Variants in CAMK1D observed in about 807,000 individuals in gnomAD.
The protein encoded by CAMK1D is calcium/calmodulin-dependent protein kinase type 1D.
In CAMK1D, 9 loss-of-function variants were observed where a neutral mutation model predicts 47.7. The observed-to-expected ratio is 0.19, with a 90% confidence interval of 0.11 to 0.33. The LOEUF (loss-of-function observed/expected upper bound fraction) is 0.33. Ranked by LOEUF, CAMK1D falls within the 10% of genes least tolerant of loss-of-function variation. CAMK1D has a pLI of 1.00. For missense variants in CAMK1D, 291 were observed against 488.7 expected, an observed-to-expected ratio of 0.60 and a Z score of 3.81; for synonymous variants, 184 against 184.9, an observed-to-expected ratio of 0.99 and a Z score of 0.04.
intron 2 of CAMK1D, among the ~76,000 whole-genome samples, chr10:12,651,202 C>T (rs531317337): frequency 4.9e-4 from 75 of 152,156 alleles, no homozygotes; most frequent in African/African-American, 1.2e-3. Context: ...AACGGCTTTG[C>T]GCCCCAAGCC....
chr10:12,360,381 T>C (rs1837622007), intron 1 of CAMK1D, among the ~76,000 whole-genome samples: 1 of 152,176 alleles, frequency 6.6e-6, no homozygotes, highest in Admixed American at 6.5e-5. Flanking sequence ...TTTGTAGCTT[T>C]GAAAAATTTG....
At chr10:12,674,599 C>CTTTTTTTTTTTTTTTTT (rs11391139) in intron 3 of CAMK1D, among the ~76,000 whole-genome samples, 12 of 63,464 alleles carry the variant, frequency 1.9e-4, no homozygotes, top group Admixed American at 2.0e-4. Context: ...TGGAAAAATG[C>CTTTTTTTTTTTTTTTTT]TTTTTTTTTT....
chr10:12,717,066 T>G (rs1005324472), intron 3 of CAMK1D, among the ~76,000 whole-genome samples: 1 of 152,262 alleles, frequency 6.6e-6, no homozygotes, highest in African/African-American at 2.4e-5. Flanking sequence ...CCAGTGATAA[T>G]GTACATTTCA....
intron 1 of CAMK1D, among the ~76,000 whole-genome samples, chr10:12,376,986 C>A (rs1032603312): frequency 4.6e-5 from 7 of 152,084 alleles, no homozygotes; most frequent in Non-Finnish European, 7.4e-5. Flanking sequence ...GTCACAAATT[C>A]CTGACCTCAA....
intron 3 of CAMK1D, among the ~76,000 whole-genome samples, chr10:12,678,737 T>C (rs1052391760): frequency 6.6e-6 from 1 of 152,204 alleles, no homozygotes; most frequent in African/African-American, 2.4e-5. Context: ...CTTCCTTGTC[T>C]CTTATAACAG....
At chr10:12,609,246 G>T (rs940585604) in intron 2 of CAMK1D, among the ~76,000 whole-genome samples, 1 of 152,134 alleles carries the variant, frequency 6.6e-6, no homozygotes. Context: ...AACATTTCAG[G>T]GCCTGTTGGG....
At chr10:12,399,345 A>G (rs189775525) in intron 1 of CAMK1D, among the ~76,000 whole-genome samples, 256 of 152,290 alleles carry the variant, frequency 1.7e-3, no homozygotes, top group Non-Finnish European at 3.0e-3. Context: ...CTCTACTAAA[A>G]ATACAAAAAT....
chr10:12,814,612 C>T (rs1832728626), intron 7 of CAMK1D, among the ~76,000 whole-genome samples: 2 of 152,180 alleles, frequency 1.3e-5, no homozygotes, highest in Non-Finnish European at 2.9e-5. Flanking sequence ...CATGTCCTCA[C>T]ATGGCAAAAG....
At chr10:12,429,114 G>A (rs1227817799) in intron 1 of CAMK1D, among the ~76,000 whole-genome samples, 2 of 152,114 alleles carry the variant, frequency 1.3e-5, no homozygotes, top group Non-Finnish European at 2.9e-5. Context: ...CTCCCACATT[G>A]TGCCTCCCTC....
At chr10:12,437,603 A>G (rs993174236) in intron 1 of CAMK1D, among the ~76,000 whole-genome samples, 3 of 152,168 alleles carry the variant, frequency 2.0e-5, no homozygotes, top group African/African-American at 7.2e-5. Flanking sequence ...CTCTCCTACT[A>G]TCAACATCCC....
At chr10:12,823,451 A>G (rs1833087053) in intron 8 of CAMK1D, among the ~76,000 whole-genome samples, 1 of 152,086 alleles carries the variant, frequency 6.6e-6, no homozygotes, top group Non-Finnish European at 1.5e-5. Flanking sequence ...GGCCAAGTGG[A>G]TGCCTGTAGG....
chr10:12,362,516 G>C (rs1291011396), intron 1 of CAMK1D, among the ~76,000 whole-genome samples: 1 of 152,002 alleles, frequency 6.6e-6, no homozygotes, highest in Non-Finnish European at 1.5e-5. Flanking sequence ...TTGTTTGTTT[G>C]AGATGGAGTC....
rs759661171 is a variant in CAMK1D at position 12,762,446 on chromosome 10, C to T, written c.438+1360C>T. On this transcript the variant is annotated intron_variant, in intron 4 of 10. Coordinates refer to ENST00000619168, the MANE Select transcript of CAMK1D (RefSeq NM_153498.4). Reference sequence around the variant, plus strand: ...TTTTTCTTTCATAAAGACTCACTACCATGGTTTTTCTGCATGTTGTCATGT... The same window carrying T: ...TTTTTCTTTCATAAAGACTCACTACTATGGTTTTTCTGCATGTTGTCATGT... Among the ~76,000 whole-genome samples, 15 of 152,244 alleles carry T rather than the reference C, an allele frequency of 9.9e-5. No individual in the cohort carries two copies. In the East Asian group the frequency reaches 2.9e-3, roughly 29 times the overall value.
rs1436860937 is a variant in CAMK1D at position 12,349,884 on chromosome 10, C to A, written c.66C>A (p.Ile22=). 6 of 1,551,620 alleles carry A rather than the reference C, an allele frequency of 3.9e-6. No homozygotes were observed. The highest frequency in any genetic ancestry group is 5.2e-6 in the Non-Finnish European group (6 of 1,148,198). Residue 22 remains isoleucine (I), a synonymous_variant, in exon 1 of 11, where the codon ATC becomes ATA. Transcript: ENST00000619168. ...WKKQAEDIKK[I]FEFKETLGTG... ...AGCAAGCTGAAGACATCAAGAAGAT[C>A]TTCGAGTTCAAAGAGACCCTCGGAA...
At chr10:12,536,922 C>T (rs2132233811) in intron 1 of CAMK1D, among the ~76,000 whole-genome samples, 1 of 152,270 alleles carries the variant, frequency 6.6e-6, no homozygotes, top group South Asian at 2.1e-4. Flanking sequence ...GGGATATTTA[C>T]ATATGGGATA....
At position 12,515,437 on chromosome 10, in the gene CAMK1D, C is replaced by T. The variant is rs1220602898; in HGVS notation, c.93-37788C>T. Among the ~76,000 whole-genome samples, 468 of 54,708 alleles carry T rather than the reference C, an allele frequency of 8.6e-3. 3 individuals carry two copies. Among genetic ancestry groups the T allele is most frequent in the African/African-American group, 0.028 (371 of 13,136 alleles). The allele number at this position is 54,708 out of a possible 152,430, so 35.9% of individuals were successfully genotyped here. On this transcript the variant is annotated intron_variant, in intron 1 of 10. Coordinates refer to ENST00000619168, the MANE Select transcript of CAMK1D (RefSeq NM_153498.4). Reference sequence around the variant, plus strand: ...TTTTTTCTTTTTTTTTTTCATTATACTTTAAGTTTTAGGGTACACGTGCAC... The same window carrying T: ...TTTTTTCTTTTTTTTTTTCATTATATTTTAAGTTTTAGGGTACACGTGCAC...
At chr10:12,474,942 T>A (rs1356510770) in intron 1 of CAMK1D, among the ~76,000 whole-genome samples, 1 of 152,206 alleles carries the variant, frequency 6.6e-6, no homozygotes, top group African/African-American at 2.4e-5. Flanking sequence ...TGTTCTTTTT[T>A]ATGGCTGCAT....
In CAMK1D at chr10:12,751,051, A is replaced by AATAAG. The variant is rs141001552; in HGVS notation, c.300-9825_300-9821dup. ...CTGGGTGACGGAGCCCGTCTCCCCC[A>AATAAG]ATAAGATAAGATAAGATAAGATAAG... is the stretch of plus-strand genomic sequence containing the variant. On this transcript the variant is annotated intron_variant, in intron 3 of 10. Coordinates refer to ENST00000619168, the MANE Select transcript of CAMK1D (RefSeq NM_153498.4). Among the ~76,000 whole-genome samples, 349 of 136,422 alleles carry AATAAG rather than the reference A, an allele frequency of 2.6e-3. 7 individuals carry two copies. Among genetic ancestry groups the AATAAG allele is most frequent in the East Asian group, 6.1e-3 (28 of 4,618 alleles). The allele number at this position is 136,422 out of a possible 152,430, so 89.5% of individuals were successfully genotyped here.
At chr10:12,780,812 T>G (rs1380033943) in intron 5 of CAMK1D, among the ~76,000 whole-genome samples, 1 of 152,110 alleles carries the variant, frequency 6.6e-6, no homozygotes, top group Non-Finnish European at 1.5e-5. Context: ...CACAGATGAG[T>G]AGGTGGAACA....
Sources: allele counts gnomAD v4.1 joint callset (sites outside exome capture counted in the v4.1 genomes callset), GRCh38; gene constraint gnomAD v4.1.1; transcripts MANE v1.5; gene names NCBI Gene and HGNC (gene_info 2026-07-23, HGNC 2026-07-21).